The following MAGED1 variants were observed in gnomAD, a reference collection of about 807,000 sequenced individuals.
The protein encoded by MAGED1 is MAGE family member D1.
Under a neutral mutation model 54.1 loss-of-function variants are expected in MAGED1, and 3 were observed. That is an observed-to-expected ratio of 0.06 (90% CI 0.03 to 0.14). MAGED1 has a LOEUF of 0.14. Ranked by LOEUF, MAGED1 falls within the 10% of genes least tolerant of loss-of-function variation. The pLI is 1.00. For missense variants in MAGED1, 485 were observed against 623.4 expected, an observed-to-expected ratio of 0.78 and a Z score of 2.36; for synonymous variants, 217 against 227.3, an observed-to-expected ratio of 0.95 and a Z score of 0.41.
chrX:51,900,002 C>A (rs1230831161), intron 10 of MAGED1, 180 bp from the exon 11 acceptor site: 1 of 411,102 alleles, frequency 2.4e-6, no homozygotes. Flanking sequence ...GAGTGCTTAG[C>A]GTTCTAGTGC....
At chrX:51,875,697 T>C (rs1277387459) in intron 1 of MAGED1, among the ~76,000 whole-genome samples, 2 of 111,266 alleles carry the variant, frequency 1.8e-5, no homozygotes, top group Non-Finnish European at 1.9e-5. Flanking sequence ...GTGACAGTTA[T>C]AATTTTTTTA....
chrX:51,822,804 T>C lies in MAGED1; in HGVS notation c.-37+19687T>C, dbSNP rs1033122247. ...ATATAGTTATTACAACTATAAATTT[T>C]CATCAATAAAAAATACTGCTTTCAC... On this transcript the variant is annotated intron_variant, in intron 1 of 12. Transcript: ENST00000375772. Among the ~76,000 whole-genome samples, 8 of 111,522 alleles carry C rather than the reference T, an allele frequency of 7.2e-5. 1 individual carries two copies. The highest frequency in any genetic ancestry group is 3.8e-5 in the Non-Finnish European group (2 of 53,000).
intron 12 of MAGED1, 41 bp from the exon 13 acceptor site, chrX:51,902,105 A>G (rs1235065154): frequency 4.8e-6 from 2 of 414,794 alleles, no homozygotes; most frequent in East Asian, 4.1e-5. Context: ...TATTTGATAT[A>G]TATCATTGAT....
intron 1 of MAGED1, among the ~76,000 whole-genome samples, chrX:51,824,480 A>G (rs1925756442): frequency 9.1e-6 from 1 of 110,227 alleles, no homozygotes; most frequent in African/African-American, 3.3e-5. Context: ...TATTTTTATT[A>G]TGATGTGCCT....
chrX:51,897,019 G>A lies in MAGED1; in HGVS notation c.1364G>A (p.Arg455His), dbSNP rs782054914. ...SPNLRPSPNSRASQNPGAAQP... is the reference protein window; with the variant it reads ...SPNLRPSPNSHASQNPGAAQP... Reference sequence around the variant, plus strand: ...AACCTGCGCCCTTCTCCCAACTCGCGTGCCTCACAGAACCCAGGTGCTGCA... The same window carrying A: ...AACCTGCGCCCTTCTCCCAACTCGCATGCCTCACAGAACCCAGGTGCTGCA... Residue 455 changes from arginine (R) to histidine (H), a missense_variant, in exon 4 of 13, where the codon CGT becomes CAT. Transcript: ENST00000326587. The A allele has an allele frequency of 9.1e-6, 11 of 1,211,451 alleles. No individual in the cohort carries two copies. Among genetic ancestry groups the A allele is most frequent in the Non-Finnish European group, 1.1e-5 (10 of 895,435 alleles).
chrX:51,803,850 T>TG (rs1488475754), intron 1 of MAGED1, among the ~76,000 whole-genome samples: 1 of 109,554 alleles, frequency 9.1e-6, no homozygotes, highest in Non-Finnish European at 1.9e-5. Context: ...CCTCAGATTT[T>TG]GGGGGGCAAA....
Position 51,901,889 on chromosome X carries a change from G to A in MAGED1, c.2296G>A (p.Ala766Thr), listed in dbSNP as rs782464602. The change falls in exon 12 of 13, where the codon GCT becomes ACT. Residue 766 changes from alanine (A) to threonine (T), a missense_variant. By Grantham distance (58) the Ala-to-Thr change is moderately conservative. Transcript: ENST00000326587. ...GPGGTASANF[A>T]ANFGAIGFFW... is the part of the protein sequence containing the mutation. ...TGGTGGTACAGCCAGTGCCAACTTC[G>A]CTGCCAACTTTGGTGCCATTGGTTT... is the stretch of plus-strand genomic sequence containing the variant. 84 of 1,207,300 alleles carry A rather than the reference G, an allele frequency of 7.0e-5. No individual in the cohort carries two copies. In the Middle Eastern group the frequency reaches 1.2e-3, roughly 18 times the overall value.
intron 1 of MAGED1, among the ~76,000 whole-genome samples, chrX:51,873,324 A>G (rs1237384119): frequency 9.0e-6 from 1 of 111,159 alleles, no homozygotes; most frequent in Non-Finnish European, 1.9e-5. Context: ...ACATGTGGGG[A>G]TTATGAGGAT....
At chrX:51,806,349 G>A (rs989771526) in intron 1 of MAGED1, among the ~76,000 whole-genome samples, 1 of 111,648 alleles carries the variant, frequency 9.0e-6, no homozygotes, top group Admixed American at 9.5e-5. Context: ...GCCCCTAAAT[G>A]TATCCCTTAT....
intron 1 of MAGED1, among the ~76,000 whole-genome samples, chrX:51,866,692 T>C (rs1401336854): frequency 8.9e-6 from 1 of 112,378 alleles, no homozygotes; most frequent in African/African-American, 3.2e-5. Flanking sequence ...GACTAAATTC[T>C]AAATTTTTTC....
In MAGED1 at chrX:51,897,874, G is replaced by A; in HGVS notation, c.1646G>A (p.Gly549Asp). Residue 549 changes from glycine to aspartate, a missense_variant, in exon 7 of 13, where the codon GGC becomes GAC. Physicochemically the swap from Gly to Asp is moderately conservative, Grantham distance 94. Around this residue, in one of 2 missense-constraint regions of MAGED1, gnomAD observed 186 missense variants for 330.3 expected, o/e 0.56. Transcript: ENST00000326587. ...ATCAGTACCCCCGAGTCCCTGGCTG[G>A]CATACTGGGAACGTAAGATGGGAAA... ...ILISTPESLA[G>D]ILGTTKDTPK... The A allele has an allele frequency of 8.4e-7, 1 of 1,193,609 alleles. No homozygotes were observed. The highest frequency in any genetic ancestry group is 1.1e-6 in the Non-Finnish European group (1 of 880,588).
chrX:51,829,038 G>A (rs1374362014), intron 1 of MAGED1, among the ~76,000 whole-genome samples: 1 of 111,402 alleles, frequency 9.0e-6, no homozygotes, highest in African/African-American at 3.3e-5. Flanking sequence ...AAGAGAATAT[G>A]TAGAAAGAGA....
intron 1 of MAGED1, among the ~76,000 whole-genome samples, chrX:51,815,034 T>TC (rs1289607527): frequency 9.6e-6 from 1 of 104,425 alleles, no homozygotes; most frequent in African/African-American, 3.5e-5. Context: ...TCCCAGGTAC[T>TC]CTGGAGGCTG....
chrX:51,865,385 A>G (rs998185987), intron 1 of MAGED1, among the ~76,000 whole-genome samples: 5 of 111,936 alleles, frequency 4.5e-5, no homozygotes, highest in Non-Finnish European at 7.5e-5. Context: ...TTAATGTATG[A>G]ATGCATAAAT....
At chrX:51,891,957 A>G (rs1046816360), upstream of MAGED1, among the ~76,000 whole-genome samples, 18 of 112,350 alleles carry the variant, frequency 1.6e-4, no homozygotes, top group African/African-American at 5.8e-4. Flanking sequence ...CAGCTGACAG[A>G]GGAGGTTGCT....
At chrX:51,841,155 T>C (rs1602228757) in intron 1 of MAGED1, among the ~76,000 whole-genome samples, 1 of 107,750 alleles carries the variant, frequency 9.3e-6, no homozygotes, top group East Asian at 3.0e-4. Flanking sequence ...TATCTCATTG[T>C]GGTTTTGATT....
intron 1 of MAGED1, among the ~76,000 whole-genome samples, chrX:51,822,856 TGTTTAA>T (rs1195620782): frequency 9.0e-6 from 1 of 111,710 alleles, no homozygotes; most frequent in African/African-American, 3.2e-5. Flanking sequence ...TGGTAGGTTG[TGTTTAA>T]GTTTTCATTA....
chrX:51,810,451 T>C (rs782409438), intron 1 of MAGED1, among the ~76,000 whole-genome samples: 2 of 112,418 alleles, frequency 1.8e-5, no homozygotes, highest in Non-Finnish European at 3.7e-5. Flanking sequence ...AACATGGCTT[T>C]CATTTGTTTA....
At chrX:51,822,951 T>A (rs984932239) in intron 1 of MAGED1, among the ~76,000 whole-genome samples, 7 of 112,170 alleles carry the variant, frequency 6.2e-5, no homozygotes, top group Non-Finnish European at 1.3e-4. Flanking sequence ...GTTTAATTTC[T>A]ACTTTTGAAT....
Sources: allele counts gnomAD v4.1 joint callset (sites outside exome capture counted in the v4.1 genomes callset), GRCh38; gene constraint gnomAD v4.1.1; regional missense constraint gnomAD v4.1.1; transcripts MANE v1.5; gene names NCBI Gene and HGNC (gene_info 2026-07-23, HGNC 2026-07-21).